Variants in VPS13B observed in about 807,000 individuals in gnomAD.
VPS13B encodes the protein intermembrane lipid transfer protein VPS13B.
A neutral mutation model predicts 426.4 loss-of-function variants in VPS13B; 285 were observed. The observed-to-expected ratio is 0.67, with a 90% CI of 0.61 to 0.74. The LOEUF is 0.74. VPS13B is among the 30% of genes least tolerant of loss of function. The probability of loss-of-function intolerance (pLI) is 0.00; values close to 1 mark genes in which losing one functional copy is unlikely to be tolerated. For missense variants in VPS13B, 4,537 were observed against 4,782.6 expected (o/e 0.95, Z 1.51); for synonymous variants, 1,676 against 1,676.4 (o/e 1.00, Z 0.01).
chr8:99,850,912 C>T (rs900102047), intron 55 of VPS13B, among the ~76,000 whole-genome samples: 23 of 152,050 alleles, frequency 1.5e-4, no homozygotes, highest in Admixed American at 4.6e-4. Context: ...GGCGACAGAG[C>T]GAGACTCCAT....
At chr8:99,368,690 G>C (rs1214340492) in intron 19 of VPS13B, among the ~76,000 whole-genome samples, 2 of 152,130 alleles carry the variant, frequency 1.3e-5, no homozygotes, top group African/African-American at 2.4e-5. Context: ...GTGCTAAATA[G>C]TGTTTACCTA....
rs1411021424 is a variant in VPS13B, at chr8:99,377,962, A to G, written c.2825-6246A>G. ...CGTGTCCCGCTGTGCACTCATTGTC[A>G]TTGATAAACATCTTAACAGGGTTCA... On this transcript the variant is annotated intron_variant, in intron 19 of 61. Transcript: ENST00000357162. 2.0e-5 allele frequency among the ~76,000 whole-genome samples: 3 copies of G among 152,318 alleles called. No homozygotes were observed. In the South Asian group the frequency reaches 6.2e-4, roughly 32 times the overall value.
At chr8:99,042,881 T>C (rs950415282) in intron 3 of VPS13B, among the ~76,000 whole-genome samples, 1 of 152,262 alleles carries the variant, frequency 6.6e-6, no homozygotes, top group Non-Finnish European at 1.5e-5. Flanking sequence ...TGGCATTTTA[T>C]GTCAACTCTT....
chr8:99,689,313 A>C (rs1831547734), intron 35 of VPS13B, among the ~76,000 whole-genome samples: 1 of 150,820 alleles, frequency 6.6e-6, no homozygotes, highest in South Asian at 2.1e-4. Flanking sequence ...TTAGGTATTT[A>C]GAATATTAAA....
At chr8:99,797,566 C>T (rs764970760) in intron 43 of VPS13B, among the ~76,000 whole-genome samples, 4 of 152,090 alleles carry the variant, frequency 2.6e-5, no homozygotes, top group Non-Finnish European at 5.9e-5. Context: ...AAATATATGC[C>T]TCAATATACT....
chr8:99,140,207 A>AG (rs1810329060), intron 12 of VPS13B, among the ~76,000 whole-genome samples: 1 of 151,878 alleles, frequency 6.6e-6, no homozygotes, highest in South Asian at 2.1e-4. Context: ...TCTACTAAAA[A>AG]TACAAAAATT....
chr8:99,210,513 T>C (rs1469349640), intron 17 of VPS13B, among the ~76,000 whole-genome samples: 1 of 152,202 alleles, frequency 6.6e-6, no homozygotes, highest in Non-Finnish European at 1.5e-5. Flanking sequence ...TTGGTGCCAT[T>C]GTGTTAGACA....
In VPS13B at chr8:99,639,468, A is replaced by G. The variant is rs146847901; in HGVS notation, c.5221-2343A>G. Among the ~76,000 whole-genome samples the G allele has an allele frequency of 7.8e-4, 119 of 152,222 alleles. No homozygotes were observed. The East Asian group carries it at 0.022, about 28-fold the overall frequency. On this transcript the variant is annotated intron_variant, in intron 33 of 61. Transcript: ENST00000357162. ...AAAGAATATGGTGTCTTCAAAGGAC[A>G]GAAACAAGTCCTTTTTGTTTCAAAT... is the stretch of plus-strand genomic sequence containing the variant.
Position 99,599,828 on chromosome 8 carries a change from T to C in VPS13B, c.5220+22195T>C, listed in dbSNP as rs141722022. On this transcript the variant is annotated intron_variant, in intron 33 of 61. Transcript: ENST00000357162. The stretch of plus-strand genomic sequence containing the variant: ...AATCTTCCTTCTACATTTTTTAAGA[T>C]TCTCGGACTTTAGCAAATGCCACAG... Among the ~76,000 whole-genome samples the C allele has an allele frequency of 2.3e-3, 357 of 152,212 alleles. 3 individuals carry two copies. The highest frequency in any genetic ancestry group is 4.8e-3 in the South Asian group (23 of 4,814).
intron 21 of VPS13B, among the ~76,000 whole-genome samples, chr8:99,419,289 C>T (rs1816247903): frequency 6.6e-6 from 1 of 152,170 alleles, no homozygotes; most frequent in Non-Finnish European, 1.5e-5. Context: ...TGATTGTTTT[C>T]CTGAGGCCTC....
chr8:99,071,947 G>T (rs552528573), intron 3 of VPS13B, among the ~76,000 whole-genome samples: 31 of 152,234 alleles, frequency 2.0e-4, no homozygotes, highest in African/African-American at 6.7e-4. Flanking sequence ...TTGCTTCCAG[G>T]CCTGGGTCTG....
chr8:99,690,842 C>A (rs766728262), intron 35 of VPS13B, among the ~76,000 whole-genome samples: 37 of 152,094 alleles, frequency 2.4e-4, no homozygotes, highest in Non-Finnish European at 3.7e-4. Flanking sequence ...TAACTGCAGT[C>A]AAATATGTCT....
intron 35 of VPS13B, among the ~76,000 whole-genome samples, chr8:99,680,374 C>G (rs1040113111): frequency 2.6e-5 from 4 of 152,164 alleles, no homozygotes; most frequent in African/African-American, 9.7e-5. Flanking sequence ...CTTGAATTCC[C>G]TCTCTGATTT....
intron 24 of VPS13B, among the ~76,000 whole-genome samples, chr8:99,478,811 T>G (rs1819884543): frequency 6.8e-6 from 1 of 146,588 alleles, no homozygotes; most frequent in South Asian, 2.1e-4. Context: ...TAATCTTTTA[T>G]GTGAAAAGTT....
At chr8:99,274,476 A>C in intron 18 of VPS13B, 144 bp downstream of exon 18, 1 of 1,342,516 alleles carries the variant, frequency 7.4e-7, no homozygotes, top group East Asian at 2.5e-5. Context: ...AAATTTTTCT[A>C]ATTGTGCCAG....
At chr8:99,704,477 T>C (rs1832416388) in intron 36 of VPS13B, among the ~76,000 whole-genome samples, 1 of 152,148 alleles carries the variant, frequency 6.6e-6, no homozygotes, top group Admixed American at 6.6e-5. Context: ...AATAAAATAG[T>C]AAATTAGATA....
chr8:99,811,972 T>C (rs1169841919), intron 44 of VPS13B, among the ~76,000 whole-genome samples: 1 of 152,210 alleles, frequency 6.6e-6, no homozygotes, highest in African/African-American at 2.4e-5. Flanking sequence ...TTTTGTATTA[T>C]AACAATAGTG....
At chr8:99,558,697 A>G (rs965466814) in intron 31 of VPS13B, among the ~76,000 whole-genome samples, 2 of 151,988 alleles carry the variant, frequency 1.3e-5, no homozygotes, top group African/African-American at 2.4e-5. Context: ...GCTCACAATG[A>G]TGGTTTCCAG....
intron 19 of VPS13B, among the ~76,000 whole-genome samples, chr8:99,301,374 A>G (rs1321312219): frequency 1.3e-5 from 2 of 150,640 alleles, no homozygotes; most frequent in Non-Finnish European, 3.0e-5. Context: ...GCTCACCGCA[A>G]CCTCCACCTT....
Sources: allele counts gnomAD v4.1 joint callset (sites outside exome capture counted in the v4.1 genomes callset), GRCh38; gene constraint gnomAD v4.1.1; transcripts MANE v1.5; gene names NCBI Gene and HGNC (gene_info 2026-07-23, HGNC 2026-07-21).